The following CEP112 variants were observed in gnomAD, a reference collection of about 807,000 sequenced individuals.
CEP112 encodes centrosomal protein of 112 kDa.
CEP112 carries 127 observed loss-of-function variants against 153.0 expected under a neutral mutation model. That is an observed-to-expected ratio of 0.83 (90% CI 0.72 to 0.96). CEP112 has a LOEUF of 0.96. Ranked by LOEUF, CEP112 falls within the 40% of genes least tolerant of loss-of-function variation. The pLI, the probability that CEP112 is intolerant of heterozygous loss-of-function variation, is 0.00. For missense variants in CEP112, 1,089 were observed against 1,101.2 expected, an observed-to-expected ratio of 0.99 and a Z score of 0.16; for synonymous variants, 358 against 374.4, an observed-to-expected ratio of 0.96 and a Z score of 0.51.
chr17:66,149,888 G>GTTTTTTTTTTTTTT (rs71160535), intron 4 of CEP112, among the ~76,000 whole-genome samples: 6 of 54,722 alleles, frequency 1.1e-4, no homozygotes, highest in Admixed American at 3.5e-4. Context: ...TTGTTTGTTT[G>GTTTTTTTTTTTTTT]TTTTTTTTTT....
intron 21 of CEP112, among the ~76,000 whole-genome samples, chr17:65,819,247 T>C (rs1284476863): frequency 6.6e-6 from 1 of 151,990 alleles, no homozygotes; most frequent in African/African-American, 2.4e-5. Context: ...TTTTTTCTTT[T>C]ATTTTCTGTT....
intron 23 of CEP112, among the ~76,000 whole-genome samples, chr17:65,692,945 A>C (rs902348844): frequency 6.6e-6 from 1 of 152,190 alleles, no homozygotes. Context: ...TTCATGTGGC[A>C]CATTTAACCA....
rs56221578 is a variant in CEP112, at chr17:66,132,168, C to CAAAAAA, written c.564+496_564+501dup. 2.0e-4 allele frequency among the ~76,000 whole-genome samples: 8 copies of CAAAAAA among 39,884 alleles called. 2 individuals are homozygous for CAAAAAA. Among genetic ancestry groups the CAAAAAA allele is most frequent in the African/African-American group, 9.8e-4 (7 of 7,134 alleles). The allele number at this position is 39,884 out of a possible 152,430, so 26.2% of individuals were successfully genotyped here. A position where few individuals can be genotyped will look rare whatever the true frequency, so the allele number is the denominator to read the frequency against. ...CCTGGGCAACAGTGAGACTCCATCT[C>CAAAAAA]AAAAAAAAAAAAAAAAAAAAAAAAA... On this transcript the variant is annotated intron_variant, in intron 5 of 26. Coordinates refer to ENST00000535342, the MANE Select transcript of CEP112 (RefSeq NM_001199165.4).
intron 23 of CEP112, among the ~76,000 whole-genome samples, chr17:65,697,095 T>A (rs990864079): frequency 6.6e-6 from 1 of 152,224 alleles, no homozygotes. Context: ...CAATTCAATG[T>A]TTATTTTTTC....
intron 12 of CEP112, among the ~76,000 whole-genome samples, chr17:66,039,616 G>A (rs775868570): frequency 5.0e-4 from 76 of 152,118 alleles, no homozygotes; most frequent in Non-Finnish European, 8.4e-4. Context: ...AGATACATAC[G>A]TTTATGATTT....
chr17:65,652,955 G>C (rs2045862948), intron 24 of CEP112, among the ~76,000 whole-genome samples: 1 of 152,176 alleles, frequency 6.6e-6, no homozygotes, highest in African/African-American at 2.4e-5. Flanking sequence ...CTCTCTTCCT[G>C]CTTCCAGTTT....
intron 21 of CEP112, among the ~76,000 whole-genome samples, chr17:65,823,348 A>G (rs1212890906): frequency 3.9e-5 from 6 of 152,204 alleles, no homozygotes; most frequent in Admixed American, 3.9e-4. Flanking sequence ...AGATTAATAG[A>G]AGAAAAACAG....
Position 66,053,899 on chromosome 17 carries a change from G to T in CEP112, c.1075-20C>A. 1.2e-6 allele frequency: 2 copies of T among 1,600,074 alleles called. No individual in the cohort carries two copies. The highest frequency in any genetic ancestry group is 8.5e-7 in the Non-Finnish European group (1 of 1,172,112). ...GTGAAGCTACATCAGGAAATCAAGA[G>T]TTGACTCTTTTACTACTATGGAATT... is the stretch of plus-strand genomic sequence containing the variant. On this transcript the variant is annotated intron_variant, in intron 11 of 26. Coordinates refer to ENST00000535342, the MANE Select transcript of CEP112 (RefSeq NM_001199165.4).
chr17:66,029,317 T>TTAATCC, intron 13 of CEP112, 65 bp from the exon 14 acceptor site: 1 of 1,332,936 alleles, frequency 7.5e-7, no homozygotes, highest in Non-Finnish European at 1.0e-6. Context: ...ATGAAATTTT[T>TTAATCC]TAATCAGCTA....
intron 4 of CEP112, among the ~76,000 whole-genome samples, chr17:66,150,060 ATTTT>A (rs772359218): frequency 2.4e-5 from 3 of 123,030 alleles, no homozygotes; most frequent in Non-Finnish European, 5.2e-5. Flanking sequence ...TGCCCAGCTA[ATTTT>A]TTTTTTTTTT....
intron 6 of CEP112, among the ~76,000 whole-genome samples, chr17:66,098,141 G>A (rs901077186): frequency 6.6e-6 from 1 of 152,224 alleles, no homozygotes; most frequent in African/African-American, 2.4e-5. Flanking sequence ...ACGCAGAGCT[G>A]TAACCAATCC....
At chr17:66,085,368 C>A (rs1365256194) in intron 8 of CEP112, among the ~76,000 whole-genome samples, 1 of 152,138 alleles carries the variant, frequency 6.6e-6, no homozygotes, top group African/African-American at 2.4e-5. Flanking sequence ...CAGCCCTATG[C>A]AGACATAACC....
At chr17:65,660,845 G>T (rs2046355910) in intron 24 of CEP112, among the ~76,000 whole-genome samples, 1 of 152,048 alleles carries the variant, frequency 6.6e-6, no homozygotes. Context: ...GCCATACCTT[G>T]ATTTCTGTTA....
intron 3 of CEP112, 109 bp downstream of exon 3, chr17:66,176,721 A>G (rs2072491978): frequency 1.4e-6 from 1 of 710,430 alleles, no homozygotes; most frequent in Non-Finnish European, 2.1e-6. Flanking sequence ...ATTTTAATAT[A>G]TTATCTAGCA....
intron 23 of CEP112, among the ~76,000 whole-genome samples, chr17:65,737,537 G>T (rs1249038422): frequency 1.3e-5 from 2 of 152,142 alleles, no homozygotes; most frequent in Admixed American, 1.3e-4. Flanking sequence ...CACCAAATTG[G>T]GATCATTACA....
intron 18 of CEP112, among the ~76,000 whole-genome samples, chr17:65,932,478 C>T (rs1417050437): frequency 2.0e-5 from 3 of 152,090 alleles, no homozygotes; most frequent in Non-Finnish European, 4.4e-5. Flanking sequence ...AAGAAGATCA[C>T]GGATGTATTA....
At chr17:66,093,126 G>C (rs568584856) in intron 8 of CEP112, among the ~76,000 whole-genome samples, 3 of 152,168 alleles carry the variant, frequency 2.0e-5, no homozygotes, top group East Asian at 3.9e-4. Context: ...TTGAGGTCAG[G>C]AATTCAAGAC....
At chr17:65,972,695 G>A (rs988941305) in intron 17 of CEP112, among the ~76,000 whole-genome samples, 2 of 152,198 alleles carry the variant, frequency 1.3e-5, no homozygotes, top group Non-Finnish European at 2.9e-5. Context: ...GAGTGGTTAT[G>A]TCACTACAGA....
intron 23 of CEP112, among the ~76,000 whole-genome samples, chr17:65,702,459 A>G (rs944438322): frequency 2.0e-5 from 3 of 152,156 alleles, no homozygotes; most frequent in Non-Finnish European, 4.4e-5. Context: ...TCAGTTACCC[A>G]TGGTCAACTG....
Sources: gnomAD v4.1 joint callset for allele counts (sites outside exome capture counted in the v4.1 genomes callset) on GRCh38, gnomAD v4.1.1 for gene constraint, MANE v1.5 for transcripts, NCBI Gene and HGNC (gene_info 2026-07-23, HGNC 2026-07-21) for gene names.